The following ZNF589 variants were observed in gnomAD, a reference collection of about 807,000 sequenced individuals.
ZNF589 encodes KRAB-zinc finger protein SZF1-1.
Under a neutral mutation model 13.6 loss-of-function variants are expected in ZNF589, and 17 were observed. The observed-to-expected ratio is 1.25, with a 90% confidence interval of 0.86 to 1.88. The LOEUF (loss-of-function observed/expected upper bound fraction) is 1.88, where lower values mean the gene tolerates loss of function less well. Among genes scored for constraint, ZNF589 ranks in the 40% most tolerant of loss-of-function variants. The pLI, the probability that ZNF589 is intolerant of heterozygous loss-of-function variation, is 0.00. For missense variants in ZNF589, 407 were observed against 434.0 expected, an observed-to-expected ratio of 0.94 and a Z score of 0.55; for synonymous variants, 148 against 161.6, an observed-to-expected ratio of 0.92 and a Z score of 0.64.
At chr3:48,247,717 T>C (rs973551377) in intron 2 of ZNF589, 40 bp downstream of exon 2, 3 of 1,604,412 alleles carry the variant, frequency 1.9e-6, no homozygotes, top group Non-Finnish European at 2.6e-6. Context: ...AAATGCTGGC[T>C]CATTTCTCAG....
At chr3:48,248,427 C>T (rs935232350) in intron 2 of ZNF589, among the ~76,000 whole-genome samples, 5 of 152,106 alleles carry the variant, frequency 3.3e-5, no homozygotes, top group African/African-American at 1.2e-4. Flanking sequence ...TTTTTTTCTC[C>T]TAGAAAACTA....
At chr3:48,256,569 G>A (rs1056122905) in intron 2 of ZNF589, 2 of 693,750 alleles carry the variant, frequency 2.9e-6, no homozygotes, top group South Asian at 1.6e-5. Flanking sequence ...AGACCTGCTC[G>A]GTAGGCCATC....
intron 1 of ZNF589, among the ~76,000 whole-genome samples, chr3:48,242,546 C>T (rs1292386184): frequency 6.6e-6 from 1 of 152,042 alleles, no homozygotes; most frequent in Non-Finnish European, 1.5e-5. Flanking sequence ...TCAAGGGATC[C>T]TCCCGCCTCG....
chr3:48,256,591 C>T (rs2033905444), intron 2 of ZNF589: 4 of 743,790 alleles, frequency 5.4e-6, no homozygotes, highest in Admixed American at 1.9e-5. Context: ...TCACACACCC[C>T]TCAATCTTGC....
At chr3:48,254,799 AG>A (rs1270214020) in intron 2 of ZNF589, among the ~76,000 whole-genome samples, 2 of 152,036 alleles carry the variant, frequency 1.3e-5, no homozygotes, top group Admixed American at 6.6e-5. Flanking sequence ...GTTGACATAT[AG>A]GAAAGCAGAT....
In ZNF589 at chr3:48,256,760, C is replaced by G. The variant is rs762732191; in HGVS notation, c.97-4053C>G. On this transcript the variant is annotated intron_variant, in intron 2 of 3. Coordinates refer to ENST00000354698, the MANE Select transcript of ZNF589 (RefSeq NM_016089.3). ...GCCAGAGGGGTTAGGAGGATTTGGA[C>G]TCTCCTTGGGAGTCGCTGTGATACG... is the stretch of plus-strand genomic sequence containing the variant. The G allele has an allele frequency of 1.5e-5, 24 of 1,604,182 alleles. No individual in the cohort carries two copies. The Admixed American group carries it at 4.0e-4, about 27-fold the overall frequency.
chr3:48,267,578 G>A (rs1265843932), intron 3 of ZNF589, among the ~76,000 whole-genome samples: 1 of 152,108 alleles, frequency 6.6e-6, no homozygotes, highest in Admixed American at 6.5e-5. Flanking sequence ...TGTATTTTTA[G>A]TAGAGACAGG....
chr3:48,265,137 A>G (rs1306691283), intron 3 of ZNF589, among the ~76,000 whole-genome samples: 3 of 150,730 alleles, frequency 2.0e-5, no homozygotes, highest in Non-Finnish European at 3.0e-5. Flanking sequence ...ATGCCCTGCT[A>G]ATTTTTGTAT....
In ZNF589 at chr3:48,268,273, T is replaced by G; in HGVS notation, c.582T>G (p.Asn194Lys). ...AGATACAGCTCAGTCCAGCCCAGAATGCAAGCTCTGAGGAAGTAGACAGAA... is the reference window on the plus strand; with the variant it reads ...AGATACAGCTCAGTCCAGCCCAGAAGGCAAGCTCTGAGGAAGTAGACAGAA... Reference protein sequence around the residue: ...ILEIQLSPAQNASSEEVDRIS... With the variant: ...ILEIQLSPAQKASSEEVDRIS... Residue 194 changes from asparagine to lysine, a missense_variant, in exon 4 of 4, where the codon AAT (asparagine) becomes AAG (lysine). Asn to Lys is a moderately conservative substitution (Grantham distance 94, BLOSUM62 0). Transcript: ENST00000354698. 3 of 1,611,408 alleles carry G rather than the reference T, an allele frequency of 1.9e-6. No homozygotes were observed. Among genetic ancestry groups the G allele is most frequent in the East Asian group, 2.2e-5 (1 of 44,860 alleles).
At chr3:48,253,893 CT>C (rs2033868160) in intron 2 of ZNF589, among the ~76,000 whole-genome samples, 1 of 152,122 alleles carries the variant, frequency 6.6e-6, no homozygotes. Flanking sequence ...GAGTTCAAGA[CT>C]AGTCTGAGCA....
chr3:48,252,724 G>A (rs1203373413), intron 2 of ZNF589, among the ~76,000 whole-genome samples: 1 of 142,992 alleles, frequency 7.0e-6, no homozygotes, highest in Non-Finnish European at 1.5e-5. Flanking sequence ...TGGGGTTCAC[G>A]CCATTCTCTT....
chr3:48,256,643 A>G (rs1341374037), intron 2 of ZNF589: 1 of 1,022,484 alleles, frequency 9.8e-7, no homozygotes, highest in South Asian at 1.3e-5. Flanking sequence ...TCGGGGCAGC[A>G]TGCCTCCATG....
At chr3:48,262,247 T>C (rs1333963955) in intron 3 of ZNF589, among the ~76,000 whole-genome samples, 1 of 152,204 alleles carries the variant, frequency 6.6e-6, no homozygotes, top group African/African-American at 2.4e-5. Flanking sequence ...TGGAGTGCAG[T>C]GATGCGATCT....
intron 2 of ZNF589, among the ~76,000 whole-genome samples, chr3:48,259,921 A>C (rs77526434): frequency 6.8e-6 from 1 of 147,684 alleles, no homozygotes; most frequent in African/African-American, 2.4e-5. Context: ...TCCGTATCAA[A>C]AAAAAAAAAA....
At position 48,250,752 on chromosome 3, in the gene ZNF589, G is replaced by A. The variant is rs182502205; in HGVS notation, c.96+3075G>A. Among the ~76,000 whole-genome samples the A allele has an allele frequency of 6.0e-4, 91 of 152,160 alleles. No individual in the cohort carries two copies. The East Asian group carries it at 0.017, about 28-fold the overall frequency. ...CTCCCGAAGTGCTGGGATTACAGGC[G>A]TGAGCCACCACACCTGCCCCGTCTT... On this transcript the variant is annotated intron_variant, in intron 2 of 3. Transcript: ENST00000354698.
intron 2 of ZNF589, among the ~76,000 whole-genome samples, chr3:48,251,616 GT>G (rs112656033): frequency 6.6e-6 from 1 of 150,628 alleles, no homozygotes. Flanking sequence ...GTGATTTTTA[GT>G]TTTTTTTTGG....
intron 2 of ZNF589, among the ~76,000 whole-genome samples, chr3:48,258,817 C>T (rs112289742): frequency 5.3e-5 from 8 of 152,258 alleles, no homozygotes; most frequent in African/African-American, 1.4e-4. Context: ...TGGACTTGTG[C>T]GGTCTGACTC....
chr3:48,261,039 A>G, intron 3 of ZNF589, 100 bp downstream of exon 3: 2 of 1,305,898 alleles, frequency 1.5e-6, no homozygotes, highest in Non-Finnish European at 1.1e-6. Context: ...ATATCAGTGA[A>G]TAGAATAATA....
intron 2 of ZNF589, among the ~76,000 whole-genome samples, chr3:48,258,447 A>G (rs920272246): frequency 4.6e-5 from 7 of 152,334 alleles, no homozygotes; most frequent in Middle Eastern, 6.8e-3. Context: ...TCCTACATAG[A>G]AAACCGTGTC....
Sources: gnomAD v4.1 joint callset for allele counts (sites outside exome capture counted in the v4.1 genomes callset) on GRCh38, gnomAD v4.1.1 for gene constraint, MANE v1.5 for transcripts, NCBI Gene and HGNC (gene_info 2026-07-23, HGNC 2026-07-21) for gene names.